KCNMB2: variants seen among roughly 807,000 people sequenced by gnomAD.
KCNMB2 encodes the protein calcium-activated potassium channel subunit beta-2.
KCNMB2 carries 9 observed loss-of-function variants against 24.5 expected under a neutral mutation model. The ratio of observed to expected loss-of-function variants is 0.37; its 90% CI spans 0.22 to 0.64. The LOEUF (loss-of-function observed/expected upper bound fraction) is 0.64, where lower values mean the gene tolerates loss of function less well. Among genes scored for constraint, KCNMB2 ranks in the 30% least tolerant of loss-of-function variants. The pLI is 0.63. For synonymous variants in KCNMB2, 109 were observed against 104.4 expected (o/e 1.04, Z -0.27); for missense variants, 226 against 284.3 (o/e 0.79, Z 1.47).
At chr3:178,837,014 A>G (rs936784804) in intron 4 of KCNMB2, among the ~76,000 whole-genome samples, 2 of 152,204 alleles carry the variant, frequency 1.3e-5, no homozygotes, top group South Asian at 2.1e-4. Flanking sequence ...CCTAAGAAAC[A>G]TACTCATGGC....
intron 1 of KCNMB2, among the ~76,000 whole-genome samples, chr3:178,591,780 A>G (rs1305954373): frequency 1.3e-5 from 2 of 152,110 alleles, no homozygotes; most frequent in Admixed American, 1.3e-4. Context: ...GTCTTTGGTC[A>G]TAGTGCTTTC....
At chr3:178,602,218 GTAAC>G (rs35501035) in intron 1 of KCNMB2, among the ~76,000 whole-genome samples, 62,983 of 151,292 alleles carry the variant, frequency 0.42, 13,039 homozygotes, top group Middle Eastern at 0.48. Flanking sequence ...CCAATCTAGG[GTAAC>G]TAACTATCTC....
chr3:178,807,515 C>T, intron 2 of KCNMB2, 50 bp downstream of exon 2: 1 of 1,483,036 alleles, frequency 6.7e-7, no homozygotes, highest in African/African-American at 1.4e-5. Context: ...TAACCTGACT[C>T]TCCAAAGAGG....
chr3:178,618,809 A>G (rs1718806217), intron 1 of KCNMB2, among the ~76,000 whole-genome samples: 1 of 152,192 alleles, frequency 6.6e-6, no homozygotes, highest in Admixed American at 6.5e-5. Context: ...GTGAATTGGG[A>G]TATCTCAAAA....
At chr3:178,688,911 T>C (rs980202188) in intron 1 of KCNMB2, among the ~76,000 whole-genome samples, 7 of 152,220 alleles carry the variant, frequency 4.6e-5, no homozygotes, top group Admixed American at 1.3e-4. Context: ...AGTATTTATT[T>C]TTATTTGAAC....
intron 1 of KCNMB2, among the ~76,000 whole-genome samples, chr3:178,791,863 A>G (rs35819964): frequency 0.077 from 11,748 of 152,036 alleles, 560 homozygotes; most frequent in Middle Eastern, 0.21. Context: ...AAAAAAAAAA[A>G]AAAACTTTCC....
chr3:178,757,739 TATATATATATAAGAGGATATATA>T lies in KCNMB2; in HGVS notation c.-67-49603_-67-49581del, dbSNP rs1560005758. Among the ~76,000 whole-genome samples, 17 of 85,186 alleles carry T rather than the reference TATATATATATAAGAGGATATATA, an allele frequency of 2.0e-4. 2 individuals are homozygous for T. Among genetic ancestry groups the T allele is most frequent in the Non-Finnish European group, 3.8e-4 (16 of 42,504 alleles). 55.9% of individuals were successfully genotyped at this position (85,186 alleles called of 152,430 possible). A position where few individuals can be genotyped will look rare whatever the true frequency, so the allele number is the denominator to read the frequency against. On this transcript the variant is annotated intron_variant, in intron 1 of 4. Transcript: ENST00000452583. Reference sequence around the variant, plus strand: ...ATATATGTATATATATCCAAGAGGATATATATATATAAGAGGATATATATATATATCCAAGAGGATATATATAC... The same window carrying T: ...ATATATGTATATATATCCAAGAGGATTATATATCCAAGAGGATATATATAC...
intron 1 of KCNMB2, among the ~76,000 whole-genome samples, chr3:178,787,384 C>T (rs80280877): frequency 0.14 from 21,607 of 152,008 alleles, 1,868 homozygotes; most frequent in Admixed American, 0.18. Flanking sequence ...CTGTTGCATA[C>T]GCACATATAT....
At chr3:178,725,038 A>G (rs1053795229) in intron 1 of KCNMB2, among the ~76,000 whole-genome samples, 2 of 151,962 alleles carry the variant, frequency 1.3e-5, no homozygotes, top group African/African-American at 2.4e-5. Flanking sequence ...TACTTTTTTC[A>G]AAGTCTGTTA....
intron 1 of KCNMB2, among the ~76,000 whole-genome samples, chr3:178,573,410 G>A (rs7652236): frequency 0.8 from 121,735 of 151,982 alleles, 49,421 homozygotes; most frequent in African/African-American, 0.95. Flanking sequence ...ATTGTTTTAC[G>A]TTCAGTCTTA....
chr3:178,650,814 G>T (rs543746923), intron 1 of KCNMB2, among the ~76,000 whole-genome samples: 1 of 152,042 alleles, frequency 6.6e-6, no homozygotes, highest in Non-Finnish European at 1.5e-5. Context: ...AAAACCACAC[G>T]ATTATCTCAA....
At chr3:178,801,742 T>A (rs1467415930) in intron 1 of KCNMB2, 1 of 152,238 alleles carries the variant, frequency 6.6e-6, no homozygotes, top group African/African-American at 2.4e-5. Flanking sequence ...AGTATCAAAT[T>A]CAGCAAGCTG....
intron 1 of KCNMB2, among the ~76,000 whole-genome samples, chr3:178,698,398 A>T (rs183048127): frequency 1.2e-4 from 19 of 152,258 alleles, no homozygotes; most frequent in Admixed American, 3.3e-4. Context: ...TGTTTCCTCC[A>T]CTTGGTCTAT....
intron 1 of KCNMB2, among the ~76,000 whole-genome samples, chr3:178,571,357 G>C (rs1716773129): frequency 6.7e-6 from 1 of 148,714 alleles, no homozygotes; most frequent in Non-Finnish European, 1.5e-5. Context: ...ATCTAATAAT[G>C]TGTTACATAA....
chr3:178,664,440 C>T (rs1396643577), intron 1 of KCNMB2, among the ~76,000 whole-genome samples: 5 of 152,140 alleles, frequency 3.3e-5, no homozygotes, highest in Non-Finnish European at 4.4e-5. Context: ...GTCAAACAAC[C>T]TGGGCATGCA....
At chr3:178,705,809 T>G (rs555758241) in intron 1 of KCNMB2, among the ~76,000 whole-genome samples, 2 of 152,140 alleles carry the variant, frequency 1.3e-5, no homozygotes, top group Non-Finnish European at 2.9e-5. Flanking sequence ...AAAATTGGAG[T>G]CAAAGCCATC....
At chr3:178,639,378 C>T (rs979839220) in intron 1 of KCNMB2, among the ~76,000 whole-genome samples, 2 of 152,126 alleles carry the variant, frequency 1.3e-5, no homozygotes, top group Non-Finnish European at 2.9e-5. Flanking sequence ...ACACTGGAAT[C>T]TACCTACTTG....
chr3:178,683,838 A>C (rs1241384223), intron 1 of KCNMB2, among the ~76,000 whole-genome samples: 2 of 152,236 alleles, frequency 1.3e-5, no homozygotes, highest in Admixed American at 1.3e-4. Context: ...AGAAAAGGGA[A>C]TGCTTGTATC....
intron 1 of KCNMB2, among the ~76,000 whole-genome samples, chr3:178,657,373 C>A (rs1191214454): frequency 6.6e-6 from 1 of 152,230 alleles, no homozygotes; most frequent in African/African-American, 2.4e-5. Context: ...CAGCATAAGG[C>A]TCAGCCTTTG....
Sources: gnomAD v4.1 joint callset for allele counts (sites outside exome capture counted in the v4.1 genomes callset) on GRCh38, gnomAD v4.1.1 for gene constraint, MANE v1.5 for transcripts, NCBI Gene and HGNC (gene_info 2026-07-23, HGNC 2026-07-21) for gene names.